The following GPC5 variants were observed in gnomAD, a reference collection of about 807,000 sequenced individuals.
GPC5 encodes the protein glypican-5.
Under a neutral mutation model 53.9 loss-of-function variants are expected in GPC5, and 47 were observed. That is an observed-to-expected ratio of 0.87 (90% confidence interval 0.69 to 1.11). The LOEUF (loss-of-function observed/expected upper bound fraction) is 1.11. Among genes scored for constraint, GPC5 ranks in the 50% most tolerant of loss-of-function variants. GPC5 has a pLI of 0.00. For missense variants in GPC5, 748 were observed against 713.1 expected (o/e 1.05, Z -0.56); for synonymous variants, 286 against 263.3 (o/e 1.09, Z -0.84).
chr13:91,904,580 T>A (rs9556131), intron 5 of GPC5, among the ~76,000 whole-genome samples: 37,283 of 151,820 alleles, frequency 0.25, 7,046 homozygotes, highest in African/African-American at 0.53. Flanking sequence ...TACTTAACCT[T>A]TCCAGATCCC....
At chr13:92,115,638 T>C (rs534175894) in intron 6 of GPC5, among the ~76,000 whole-genome samples, 2 of 152,180 alleles carry the variant, frequency 1.3e-5, no homozygotes, top group African/African-American at 2.4e-5. Context: ...TCAAAGGAAG[T>C]CATCCAGCAA....
intron 7 of GPC5, among the ~76,000 whole-genome samples, chr13:92,562,424 G>T (rs1220883279): frequency 3.9e-5 from 6 of 152,012 alleles, no homozygotes; most frequent in Admixed American, 3.9e-4. Context: ...AAGGCTGAAT[G>T]TTGAAGTGGA....
chr13:92,198,609 A>T (rs892084292), intron 7 of GPC5, among the ~76,000 whole-genome samples: 22 of 152,174 alleles, frequency 1.4e-4, no homozygotes, highest in African/African-American at 4.6e-4. Context: ...ATGTAGACAC[A>T]TTGCTCCCGT....
At chr13:92,859,892 T>C (rs1375750651) in intron 7 of GPC5, among the ~76,000 whole-genome samples, 1 of 152,114 alleles carries the variant, frequency 6.6e-6, no homozygotes, top group Admixed American at 6.6e-5. Context: ...TGGGTGACCA[T>C]TATTGGATGA....
chr13:91,605,267 G>T (rs1261511775), intron 2 of GPC5, among the ~76,000 whole-genome samples: 2 of 146,564 alleles, frequency 1.4e-5, no homozygotes, highest in Admixed American at 6.8e-5. Flanking sequence ...TAGTTGTAGA[G>T]ATGCGGCGTT....
At chr13:92,105,152 G>A (rs527318764) in intron 6 of GPC5, among the ~76,000 whole-genome samples, 4 of 151,826 alleles carry the variant, frequency 2.6e-5, no homozygotes, top group Admixed American at 2.6e-4. Context: ...ACTTTGATGT[G>A]AGGAAGAGCT....
intron 2 of GPC5, among the ~76,000 whole-genome samples, chr13:91,509,464 A>G (rs1423852029): frequency 8.6e-6 from 1 of 116,340 alleles, no homozygotes; most frequent in Non-Finnish European, 2.1e-5. Flanking sequence ...AGGCATTCTT[A>G]TGAAAAGTTT....
chr13:91,657,492 T>A (rs1733633677), intron 2 of GPC5, among the ~76,000 whole-genome samples: 1 of 152,120 alleles, frequency 6.6e-6, no homozygotes, highest in Non-Finnish European at 1.5e-5. Context: ...TCTATGGCTA[T>A]CTAATGGGTA....
At chr13:92,712,278 A>G (rs1009560998) in intron 7 of GPC5, among the ~76,000 whole-genome samples, 7 of 151,988 alleles carry the variant, frequency 4.6e-5, no homozygotes, top group African/African-American at 1.7e-4. Context: ...ACTCCCAAAA[A>G]TTTGACGACA....
At chr13:91,555,993 C>T (rs1247839155) in intron 2 of GPC5, among the ~76,000 whole-genome samples, 4 of 151,972 alleles carry the variant, frequency 2.6e-5, no homozygotes, top group Non-Finnish European at 5.9e-5. Flanking sequence ...ACCATATCAC[C>T]AGCTCATTGG....
chr13:92,430,583 C>A (rs943384019), intron 7 of GPC5, among the ~76,000 whole-genome samples: 5 of 152,116 alleles, frequency 3.3e-5, no homozygotes, highest in African/African-American at 4.8e-5. Context: ...GGTGCCTCTT[C>A]GCTAGACTGT....
chr13:92,177,929 C>T (rs187772422), intron 7 of GPC5, among the ~76,000 whole-genome samples: 6 of 152,266 alleles, frequency 3.9e-5, no homozygotes, highest in Non-Finnish European at 5.9e-5. Flanking sequence ...ATTCTACTTG[C>T]AGAAGTCATT....
At chr13:92,346,629 C>T (rs2043415032) in intron 7 of GPC5, among the ~76,000 whole-genome samples, 1 of 152,106 alleles carries the variant, frequency 6.6e-6, no homozygotes, top group African/African-American at 2.4e-5. Flanking sequence ...GAAAACAATG[C>T]AAGCACACAA....
chr13:92,649,549 T>G (rs1885887743), intron 7 of GPC5, among the ~76,000 whole-genome samples: 1 of 152,138 alleles, frequency 6.6e-6, no homozygotes, highest in African/African-American at 2.4e-5. Flanking sequence ...ATAAGTATAA[T>G]TCACTTTTCT....
chr13:91,692,843 C>T (rs895351642), intron 2 of GPC5, among the ~76,000 whole-genome samples: 25 of 152,274 alleles, frequency 1.6e-4, no homozygotes, highest in African/African-American at 6.0e-4. Flanking sequence ...GGGGTTTCCC[C>T]ATGTTGGTCT....
chr13:92,762,639 G>A (rs1875232847), intron 7 of GPC5, among the ~76,000 whole-genome samples: 3 of 152,014 alleles, frequency 2.0e-5, no homozygotes, highest in Admixed American at 1.3e-4. Flanking sequence ...GAAGATTTCA[G>A]CATTTTTATT....
intron 2 of GPC5, among the ~76,000 whole-genome samples, chr13:91,617,337 G>A (rs766517629): frequency 1.2e-4 from 19 of 152,120 alleles, no homozygotes; most frequent in Non-Finnish European, 2.8e-4. Context: ...GGTTTTTAAG[G>A]ATGAATAGAA....
At chr13:91,434,937 C>A (rs1270686035) in intron 1 of GPC5, among the ~76,000 whole-genome samples, 2 of 152,172 alleles carry the variant, frequency 1.3e-5, no homozygotes, top group East Asian at 1.9e-4. Context: ...GTATTTTATT[C>A]TCTTTGAAGC....
chr13:92,753,429 T>G (rs1392172198), intron 7 of GPC5, among the ~76,000 whole-genome samples: 1 of 152,134 alleles, frequency 6.6e-6, no homozygotes, highest in Non-Finnish European at 1.5e-5. Context: ...GCACCTCTCC[T>G]CCTCCAAAGG....
Sources: gnomAD v4.1 joint callset for allele counts (sites outside exome capture counted in the v4.1 genomes callset) on GRCh38, gnomAD v4.1.1 for gene constraint, MANE v1.5 for transcripts, NCBI Gene and HGNC (gene_info 2026-07-23, HGNC 2026-07-21) for gene names.